STK33: variants seen among roughly 807,000 people sequenced by gnomAD.
STK33 encodes the protein serine/threonine-protein kinase 33.
Under a neutral mutation model 58.0 loss-of-function variants are expected in STK33, and 52 were observed. That is an observed-to-expected ratio of 0.90 (90% CI 0.72 to 1.13). The LOEUF (loss-of-function observed/expected upper bound fraction) is 1.13, where lower values mean the gene tolerates loss of function less well. STK33 is among the 50% of genes most tolerant of loss of function. The probability of loss-of-function intolerance (pLI) is 0.00; values close to 1 mark genes in which losing one functional copy is unlikely to be tolerated. For synonymous variants in STK33, 215 were observed against 200.1 expected (o/e 1.07, Z -0.63); for missense variants, 630 against 604.2 (o/e 1.04, Z -0.45).
At chr11:8,590,259 A>G (rs957068232) in intron 1 of STK33, among the ~76,000 whole-genome samples, 1 of 152,202 alleles carries the variant, frequency 6.6e-6, no homozygotes, top group East Asian at 1.9e-4. Flanking sequence ...TCATCAGCTC[A>G]TGTTAAGAAT....
intron 1 of STK33, among the ~76,000 whole-genome samples, chr11:8,549,770 G>A (rs575779664): frequency 2.0e-4 from 30 of 152,188 alleles, no homozygotes; most frequent in African/African-American, 6.7e-4. Flanking sequence ...TTGGCATATA[G>A]TTGTTCATGA....
chr11:8,566,076 G>A (rs2141023449), intron 1 of STK33, among the ~76,000 whole-genome samples: 1 of 152,216 alleles, frequency 6.6e-6, no homozygotes, highest in South Asian at 2.1e-4. Flanking sequence ...AACATCATTG[G>A]TCAACTGATT....
chr11:8,383,395 A>G, the STK33 span, among the ~76,000 whole-genome samples: 1 of 152,182 alleles, frequency 6.6e-6, no homozygotes, highest in Non-Finnish European at 1.5e-5. Context: ...AGTGGAATTC[A>G]TCTGCCTTGG....
the STK33 span, among the ~76,000 whole-genome samples, chr11:8,354,212 G>A: frequency 8.5e-5 from 13 of 152,146 alleles, no homozygotes; most frequent in Non-Finnish European, 1.3e-4. Context: ...CAGGGACGAG[G>A]TGGCATCAGT....
chr11:8,367,694 C>G, the STK33 span, among the ~76,000 whole-genome samples: 5 of 152,208 alleles, frequency 3.3e-5, no homozygotes, highest in Admixed American at 6.5e-5. Flanking sequence ...GAAGTGGGCA[C>G]TATCACCATT....
chr11:8,423,018 T>G (rs1942167599), intron 14 of STK33, among the ~76,000 whole-genome samples: 1 of 150,814 alleles, frequency 6.6e-6, no homozygotes, highest in African/African-American at 2.4e-5. Context: ...TTTTTTAAAT[T>G]TTTTGTAGGG....
the STK33 span, among the ~76,000 whole-genome samples, chr11:8,374,402 T>C: frequency 6.6e-6 from 1 of 152,200 alleles, no homozygotes; most frequent in African/African-American, 2.4e-5. Context: ...ATGAGAGAAC[T>C]TTATTTTCTC....
chr11:8,367,316 G>A, the STK33 span, among the ~76,000 whole-genome samples: 14 of 152,330 alleles, frequency 9.2e-5, no homozygotes. Flanking sequence ...TTGTGAGTGC[G>A]TGGGTATACA....
At chr11:8,384,468 C>T in the STK33 span, among the ~76,000 whole-genome samples, 1 of 152,202 alleles carries the variant, frequency 6.6e-6, no homozygotes, top group Non-Finnish European at 1.5e-5. Context: ...GGACATTAGC[C>T]AGGCCTGCCC....
intron 14 of STK33, among the ~76,000 whole-genome samples, chr11:8,430,296 C>T (rs1315413494): frequency 6.6e-6 from 1 of 152,134 alleles, no homozygotes; most frequent in Non-Finnish European, 1.5e-5. Flanking sequence ...CTCTTACCTT[C>T]CTTACCCCGA....
At chr11:8,516,732 C>G (rs1952826394) in intron 1 of STK33, among the ~76,000 whole-genome samples, 1 of 152,228 alleles carries the variant, frequency 6.6e-6, no homozygotes, top group South Asian at 2.1e-4. Context: ...GCCTCACTCA[C>G]TGCTAGCACA....
chr11:8,454,897 A>T, intron 9 of STK33, 65 bp from the exon 10 acceptor site: 2 of 1,398,142 alleles, frequency 1.4e-6, no homozygotes, highest in Non-Finnish European at 1.9e-6. Context: ...AGACACATAT[A>T]GATTAAATAT....
At chr11:8,545,827 G>T (rs1235149461) in intron 1 of STK33, among the ~76,000 whole-genome samples, 2 of 152,318 alleles carry the variant, frequency 1.3e-5, no homozygotes, top group South Asian at 4.1e-4. Flanking sequence ...ATACAGTCAT[G>T]TGTTGCTTAA....
At chr11:8,478,020 A>T (rs1031409675) in intron 2 of STK33, among the ~76,000 whole-genome samples, 13 of 152,194 alleles carry the variant, frequency 8.5e-5, no homozygotes, top group African/African-American at 2.9e-4. Context: ...TTAGATTTCA[A>T]ATTTAACTTC....
intron 1 of STK33, among the ~76,000 whole-genome samples, chr11:8,577,987 T>C (rs1021123618): frequency 2.6e-5 from 4 of 152,104 alleles, no homozygotes; most frequent in Non-Finnish European, 4.4e-5. Flanking sequence ...ATTTTTTCTT[T>C]AGGAATGAAA....
Position 8,576,676 on chromosome 11 carries a change from C to T in STK33, c.-466+17407G>A, listed in dbSNP as rs532021750. Among the ~76,000 whole-genome samples, 10 of 152,246 alleles carry T rather than the reference C, an allele frequency of 6.6e-5. 1 individual carries two copies. In the South Asian group the frequency reaches 2.1e-3, roughly 32 times the overall value. On this transcript the variant is annotated intron_variant, in intron 1 of 15. Transcript: ENST00000687296. ...GTCTCACTTAATTCTTGTAACAACT[C>T]CATAAGATAAGTTCTACTACTATTC...
At chr11:8,342,192 T>G in the STK33 span, among the ~76,000 whole-genome samples, 1 of 152,214 alleles carries the variant, frequency 6.6e-6, no homozygotes, top group Non-Finnish European at 1.5e-5. Flanking sequence ...TGTGATTGGC[T>G]AAGCAGCTAA....
chr11:8,504,802 A>T (rs541014210), intron 1 of STK33, among the ~76,000 whole-genome samples: 1 of 152,120 alleles, frequency 6.6e-6, no homozygotes, highest in African/African-American at 2.4e-5. Context: ...TGTCCCTAAA[A>T]AAAAGGAAAA....
chr11:8,530,020 A>C lies in STK33; in HGVS notation c.-465-49406T>G, dbSNP rs1591647836. ...ATGAACATGCTGGTCTTCCTGGCCC[A>C]GATGAGCTGGTGCGAGAGGGGGCGG... On this transcript the variant is annotated intron_variant, in intron 1 of 15. Transcript: ENST00000687296. Among the ~76,000 whole-genome samples, 3 of 152,346 alleles carry C rather than the reference A, an allele frequency of 2.0e-5. No individual in the cohort carries two copies. In the East Asian group the frequency reaches 5.8e-4, roughly 29 times the overall value.
Sources: allele counts gnomAD v4.1 joint callset (sites outside exome capture counted in the v4.1 genomes callset), GRCh38; gene constraint gnomAD v4.1.1; transcripts MANE v1.5; gene names NCBI Gene and HGNC (gene_info 2026-07-23, HGNC 2026-07-21).